Variants in BMP5 observed in about 807,000 individuals in gnomAD.
BMP5 encodes bone morphogenetic protein 5.
BMP5 carries 23 observed loss-of-function variants against 46.6 expected under a neutral mutation model. The observed-to-expected ratio is 0.49, with a 90% CI of 0.35 to 0.70. The LOEUF is 0.70. BMP5 is among the 30% of genes least tolerant of loss of function. The pLI, the probability that BMP5 is intolerant of heterozygous loss-of-function variation, is 0.00. For synonymous variants in BMP5, 204 were observed against 191.9 expected, an observed-to-expected ratio of 1.06 and a Z score of -0.52; for missense variants, 545 against 565.6, an observed-to-expected ratio of 0.96 and a Z score of 0.37.
At chr6:55,774,947 G>GA (rs1775137783) in intron 3 of BMP5, among the ~76,000 whole-genome samples, 1 of 151,938 alleles carries the variant, frequency 6.6e-6, no homozygotes, top group South Asian at 2.1e-4. Flanking sequence ...CTCCCCTTCT[G>GA]AGTTTTGACA....
In BMP5 at chr6:55,783,973, C is replaced by CT. The variant is rs1227553577; in HGVS notation, c.833-9731dup. 9.9e-5 allele frequency among the ~76,000 whole-genome samples: 15 copies of CT among 152,040 alleles called. 1 individual carries two copies. The highest frequency in any genetic ancestry group is 3.4e-3 in the Middle Eastern group (1 of 294). On this transcript the variant is annotated intron_variant, in intron 3 of 6. Transcript: ENST00000370830. ...ACTAACTCCTGTTTGTAACTGCTTA[C>CT]TTTAAATCAATAATTTTAAAACCTT...
chr6:55,755,389 A>G lies in BMP5; in HGVS notation c.*144T>C. Reference sequence around the variant, plus strand: ...TACGTTTAAATAAATAAAAATGACTATATACATGATATTGTACATAGGAAA... The same window carrying G: ...TACGTTTAAATAAATAAAAATGACTGTATACATGATATTGTACATAGGAAA... On this transcript the variant is annotated 3_prime_UTR_variant, in exon 7 of 7. Coordinates refer to ENST00000370830, the MANE Select transcript of BMP5 (RefSeq NM_021073.4). 4.2e-6 allele frequency: 3 copies of G among 716,538 alleles called. No homozygotes were observed. The highest frequency in any genetic ancestry group is 7.0e-6 in the Non-Finnish European group (3 of 428,206). 44.4% of individuals were successfully genotyped at this position (716,538 alleles called of 1,614,324 possible).
chr6:55,767,455 A>G (rs898693266), intron 4 of BMP5, among the ~76,000 whole-genome samples: 1 of 152,062 alleles, frequency 6.6e-6, no homozygotes, highest in Non-Finnish European at 1.5e-5. Flanking sequence ...GGTATAATTA[A>G]CATTCCCACT....
At chr6:55,856,817 ATAT>A (rs1202054654) in intron 1 of BMP5, among the ~76,000 whole-genome samples, 4 of 152,050 alleles carry the variant, frequency 2.6e-5, no homozygotes, top group Non-Finnish European at 5.9e-5. Flanking sequence ...ATTTAATTTA[ATAT>A]TATTAATTGT....
chr6:55,808,467 T>C (rs1406915100), intron 2 of BMP5, among the ~76,000 whole-genome samples: 3 of 152,188 alleles, frequency 2.0e-5, no homozygotes, highest in Non-Finnish European at 2.9e-5. Context: ...CAAATGGCTT[T>C]GACAGCAGTC....
At chr6:55,867,216 C>G (rs923867835) in intron 1 of BMP5, among the ~76,000 whole-genome samples, 7 of 152,064 alleles carry the variant, frequency 4.6e-5, no homozygotes, top group African/African-American at 1.4e-4. Context: ...GTATCCCCCC[C>G]GCTGAGTATC....
intron 3 of BMP5, among the ~76,000 whole-genome samples, chr6:55,777,625 AG>A (rs1163455228): frequency 4.6e-5 from 7 of 152,020 alleles, no homozygotes; most frequent in Admixed American, 2.6e-4. Context: ...ATCCAGGCAT[AG>A]CTAGAACAGT....
intron 3 of BMP5, among the ~76,000 whole-genome samples, chr6:55,783,427 G>A (rs1046365527): frequency 2.3e-4 from 35 of 151,616 alleles, no homozygotes; most frequent in African/African-American, 8.2e-4. Flanking sequence ...CTTATTACCC[G>A]CATGCCAAAA....
At chr6:55,770,621 CTGTT>C (rs1418583306) in intron 4 of BMP5, among the ~76,000 whole-genome samples, 2 of 151,966 alleles carry the variant, frequency 1.3e-5, no homozygotes, top group East Asian at 3.9e-4. Context: ...AACTTGACAA[CTGTT>C]TGTTTGGCAC....
intron 2 of BMP5, among the ~76,000 whole-genome samples, chr6:55,814,796 T>G (rs969947530): frequency 6.6e-6 from 1 of 152,082 alleles, no homozygotes; most frequent in Non-Finnish European, 1.5e-5. Flanking sequence ...ATAAAAAAAG[T>G]GTTTTGCTAG....
chr6:55,799,317 T>G (rs28700971), intron 2 of BMP5, among the ~76,000 whole-genome samples: 14 of 152,342 alleles, frequency 9.2e-5, no homozygotes, highest in African/African-American at 3.1e-4. Context: ...GGGAAAGTAT[T>G]ATTTAGAGAA....
chr6:55,870,053 G>T (rs1312934621), intron 1 of BMP5, among the ~76,000 whole-genome samples: 7 of 152,084 alleles, frequency 4.6e-5, no homozygotes, highest in Admixed American at 1.3e-4. Context: ...TGAGAAGGGA[G>T]GAGGGAGAGT....
chr6:55,858,915 A>C (rs759104865), intron 1 of BMP5, among the ~76,000 whole-genome samples: 74 of 152,184 alleles, frequency 4.9e-4, no homozygotes, highest in Non-Finnish European at 1.0e-4. Flanking sequence ...GGAATTGAAC[A>C]ATGAGAACAT....
intron 1 of BMP5, among the ~76,000 whole-genome samples, chr6:55,821,217 C>A (rs1309584754): frequency 6.6e-6 from 1 of 152,044 alleles, no homozygotes; most frequent in African/African-American, 2.4e-5. Context: ...AAGCTCCTGA[C>A]AAAGGAACCC....
intron 1 of BMP5, among the ~76,000 whole-genome samples, chr6:55,846,570 G>C (rs919668347): frequency 6.6e-6 from 1 of 151,760 alleles, no homozygotes; most frequent in Admixed American, 6.6e-5. Flanking sequence ...AATTAAACTT[G>C]CACTCATATT....
At chr6:55,789,997 A>C (rs1429888597) in intron 3 of BMP5, among the ~76,000 whole-genome samples, 1 of 152,160 alleles carries the variant, frequency 6.6e-6, no homozygotes, top group Non-Finnish European at 1.5e-5. Context: ...TGAGGAATCA[A>C]AATGCTACTT....
intron 1 of BMP5, among the ~76,000 whole-genome samples, chr6:55,831,749 T>C (rs1392616478): frequency 6.6e-6 from 1 of 152,102 alleles, no homozygotes; most frequent in Non-Finnish European, 1.5e-5. Context: ...TTCACTTATC[T>C]GAAGTACAAA....
chr6:55,818,868 A>G (rs1034002368), intron 2 of BMP5, among the ~76,000 whole-genome samples: 3 of 152,152 alleles, frequency 2.0e-5, no homozygotes, highest in African/African-American at 7.2e-5. Context: ...AATGAAAGCT[A>G]CTGGGAGAGA....
At chr6:55,786,762 C>T (rs570453990) in intron 3 of BMP5, among the ~76,000 whole-genome samples, 3 of 151,592 alleles carry the variant, frequency 2.0e-5, no homozygotes, top group South Asian at 4.1e-4. Context: ...TCAGAACCTC[C>T]AGCAAGATAT....
Sources: gnomAD v4.1 joint callset for allele counts (sites outside exome capture counted in the v4.1 genomes callset) on GRCh38, gnomAD v4.1.1 for gene constraint, MANE v1.5 for transcripts, NCBI Gene and HGNC (gene_info 2026-07-23, HGNC 2026-07-21) for gene names.